The following PLEKHH2 variants were observed in gnomAD, a reference collection of about 807,000 sequenced individuals.
The protein encoded by PLEKHH2 is pleckstrin homology domain-containing family H member 2.
PLEKHH2 carries 129 observed loss-of-function variants against 187.9 expected under a neutral mutation model. The ratio of observed to expected loss-of-function variants is 0.69; its 90% CI spans 0.59 to 0.79. The LOEUF (loss-of-function observed/expected upper bound fraction) is 0.79, where lower values mean the gene tolerates loss of function less well. PLEKHH2 is among the 30% of genes least tolerant of loss of function. The pLI is 0.00. For missense variants in PLEKHH2, 2,076 were observed against 1,751.2 expected (o/e 1.19, Z -3.31); for synonymous variants, 686 against 605.6 (o/e 1.13, Z -1.95).
At chr2:43,642,600 G>C (rs1187000263) in intron 1 of PLEKHH2, among the ~76,000 whole-genome samples, 1 of 152,110 alleles carries the variant, frequency 6.6e-6, no homozygotes, top group African/African-American at 2.4e-5. Context: ...GTGGGCTTTA[G>C]TAAACGTCCT....
At chr2:43,747,555 AATGTACTTTGGC>A (rs1387902331) in intron 24 of PLEKHH2, among the ~76,000 whole-genome samples, 1 of 152,194 alleles carries the variant, frequency 6.6e-6, no homozygotes, top group East Asian at 1.9e-4. Context: ...ATAAAATGGT[AATGTACTTTGGC>A]ATGTAGTCAG....
chr2:43,739,739 T>G (rs1004346434), intron 20 of PLEKHH2, among the ~76,000 whole-genome samples: 1 of 152,214 alleles, frequency 6.6e-6, no homozygotes, highest in African/African-American at 2.4e-5. Context: ...AGACAGTGAA[T>G]GAATAAATTC....
intron 3 of PLEKHH2, among the ~76,000 whole-genome samples, chr2:43,690,952 AC>A (rs1184974338): frequency 3.9e-5 from 6 of 152,220 alleles, no homozygotes; most frequent in African/African-American, 1.4e-4. Flanking sequence ...AGTTGAATAG[AC>A]TTATATTATC....
At chr2:43,710,990 T>G in intron 14 of PLEKHH2, 1 of 998,882 alleles carries the variant, frequency 1.0e-6, no homozygotes, top group East Asian at 1.1e-4. Context: ...TTATATGAAC[T>G]TCAGATGCCA....
At chr2:43,642,628 T>C (rs571881714) in intron 1 of PLEKHH2, among the ~76,000 whole-genome samples, 1 of 152,300 alleles carries the variant, frequency 6.6e-6, no homozygotes, top group East Asian at 1.9e-4. Context: ...GATGAGGAAG[T>C]TCCTGTCTAT....
intron 1 of PLEKHH2, among the ~76,000 whole-genome samples, chr2:43,643,431 C>T (rs1268328433): frequency 2.0e-5 from 3 of 151,930 alleles, no homozygotes; most frequent in Non-Finnish European, 2.9e-5. Context: ...TGAATATTGT[C>T]AGTATTAATG....
In PLEKHH2 at chr2:43,753,768, C is replaced by T. The variant is rs1672096688; in HGVS notation, c.3795+8C>T. The T allele has an allele frequency of 1.3e-6, 2 of 1,563,148 alleles. No individual in the cohort carries two copies. The highest frequency in any genetic ancestry group is 1.7e-6 in the Non-Finnish European group (2 of 1,156,890). ...GCAGCTCTTTTATCTCAGGTAACTTCCATGTTATATGGAGTAATATATTGA... is the reference window on the plus strand; with the variant it reads ...GCAGCTCTTTTATCTCAGGTAACTTTCATGTTATATGGAGTAATATATTGA... On this transcript the variant is annotated splice_region_variant and intron_variant, in intron 25 of 29. Transcript: ENST00000282406.
At chr2:43,752,038 G>T (rs1672031957) in intron 24 of PLEKHH2, among the ~76,000 whole-genome samples, 1 of 150,394 alleles carries the variant, frequency 6.6e-6, no homozygotes. Context: ...GTAACCATTT[G>T]GTTCTTTTTC....
chr2:43,747,282 A>T (rs1246673492), intron 24 of PLEKHH2, among the ~76,000 whole-genome samples: 1 of 151,884 alleles, frequency 6.6e-6, no homozygotes, highest in Non-Finnish European at 1.5e-5. Flanking sequence ...CCTCACTCTA[A>T]TGAGTGTGTA....
intron 2 of PLEKHH2, 97 bp downstream of exon 2, chr2:43,644,893 A>G (rs4450661): frequency 0.3 from 387,523 of 1,299,758 alleles, 62,246 homozygotes; most frequent in Non-Finnish European, 0.33. Context: ...GTTTGATTTA[A>G]TTTTTGTCAA....
rs1238452201 is a variant in PLEKHH2, at chr2:43,741,029, G to A, written c.3207G>A (p.Arg1069=). 1.2e-6 allele frequency: 2 copies of A among 1,612,828 alleles called. No homozygotes were observed. Among genetic ancestry groups the A allele is most frequent in the Non-Finnish European group, 1.7e-6 (2 of 1,178,972 alleles). ...FLWLLRLHLK[R]NADSRTEFGK... Reference sequence around the variant, plus strand: ...GGCTCCTCAGGCTTCACCTAAAGAGGAATGCAGATTCCAGGTGTGCAGAAT... The same window carrying A: ...GGCTCCTCAGGCTTCACCTAAAGAGAAATGCAGATTCCAGGTGTGCAGAAT... Residue 1069 remains arginine, a synonymous_variant, in exon 21 of 30, where the codon AGG becomes AGA. Transcript: ENST00000282406.
At chr2:43,746,985 G>A (rs1466301359) in intron 24 of PLEKHH2, among the ~76,000 whole-genome samples, 1 of 151,890 alleles carries the variant, frequency 6.6e-6, no homozygotes, top group African/African-American at 2.4e-5. Flanking sequence ...AAAAAAAGAG[G>A]AGATACCTAT....
At chr2:43,697,697 T>C (rs1004636475) in intron 7 of PLEKHH2, among the ~76,000 whole-genome samples, 2 of 152,192 alleles carry the variant, frequency 1.3e-5, no homozygotes, top group Admixed American at 6.5e-5. Context: ...GAATTTCCTA[T>C]TCATTATTTA....
In PLEKHH2 at chr2:43,699,758, C is replaced by A; in HGVS notation, c.800C>A (p.Thr267Lys). ...TCAGAACAGAATCGGAAAACAAGAA[C>A]AAGCTTTGCCACAGATGGTGGCATC... ...CGSEQNRKTR[T>K]SFATDGGISQ... The change falls in exon 8 of 30, where the codon ACA (threonine) becomes AAA (lysine). Residue 267 changes from threonine (T) to lysine (K), a missense_variant. By Grantham distance (78) the Thr-to-Lys change is moderately conservative. Coordinates refer to ENST00000282406, the MANE Select transcript of PLEKHH2 (RefSeq NM_172069.4). The A allele has an allele frequency of 1.2e-6, 2 of 1,614,170 alleles. No homozygotes were observed. Among genetic ancestry groups the A allele is most frequent in the South Asian group, 2.2e-5 (2 of 91,072 alleles).
chr2:43,640,249 C>T (rs552309350), intron 1 of PLEKHH2, among the ~76,000 whole-genome samples: 40 of 151,710 alleles, frequency 2.6e-4, no homozygotes, highest in African/African-American at 8.5e-4. Context: ...ACTCTTGTCA[C>T]CCAGGCTGGA....
At chr2:43,716,068 A>G (rs1391032024) in intron 15 of PLEKHH2, among the ~76,000 whole-genome samples, 1 of 152,166 alleles carries the variant, frequency 6.6e-6, no homozygotes, top group African/African-American at 2.4e-5. Flanking sequence ...TGGGAGATTA[A>G]TAAGTGAAGT....
At chr2:43,713,819 A>T (rs906669492) in intron 15 of PLEKHH2, among the ~76,000 whole-genome samples, 1 of 152,146 alleles carries the variant, frequency 6.6e-6, no homozygotes, top group Non-Finnish European at 1.5e-5. Context: ...GGAAAATTAG[A>T]TGGAAAGTAA....
chr2:43,734,069 AC>A (rs1351170389), intron 19 of PLEKHH2, among the ~76,000 whole-genome samples: 1 of 152,154 alleles, frequency 6.6e-6, no homozygotes, highest in African/African-American at 2.4e-5. Flanking sequence ...AAAAGAAGGA[AC>A]TTTTCTAAAT....
chr2:43,740,289 A>T (rs564967857), intron 20 of PLEKHH2, among the ~76,000 whole-genome samples: 13 of 152,284 alleles, frequency 8.5e-5, no homozygotes, highest in African/African-American at 1.9e-4. Flanking sequence ...TAAAGAAATT[A>T]AAAAAATTTT....
Sources: allele counts gnomAD v4.1 joint callset (sites outside exome capture counted in the v4.1 genomes callset), GRCh38; gene constraint gnomAD v4.1.1; transcripts MANE v1.5; gene names NCBI Gene and HGNC (gene_info 2026-07-23, HGNC 2026-07-21).